Variants in SORCS3 observed in about 807,000 individuals in gnomAD.
SORCS3 encodes the protein sortilin related VPS10 domain containing receptor 3, also known as VPS10 domain-containing receptor SorCS3.
A neutral mutation model predicts 146.3 loss-of-function variants in SORCS3; 57 were observed. The observed-to-expected ratio is 0.39, with a 90% CI of 0.31 to 0.49. The LOEUF (loss-of-function observed/expected upper bound fraction) is 0.49. SORCS3 is among the 20% of genes least tolerant of loss of function. The pLI is 0.92. For synonymous variants in SORCS3, 653 were observed against 618.5 expected, an observed-to-expected ratio of 1.06 and a Z score of -0.83; for missense variants, 1,341 against 1,575.5, an observed-to-expected ratio of 0.85 and a Z score of 2.52.
At chr10:104,777,855 C>G (rs1196770521) in intron 1 of SORCS3, among the ~76,000 whole-genome samples, 1 of 152,038 alleles carries the variant, frequency 6.6e-6, no homozygotes, top group Non-Finnish European at 1.5e-5. Flanking sequence ...TACAAACTTG[C>G]CCACGCATTT....
At chr10:104,997,645 A>G (rs1216347366) in intron 4 of SORCS3, among the ~76,000 whole-genome samples, 2 of 152,138 alleles carry the variant, frequency 1.3e-5, no homozygotes, top group African/African-American at 4.8e-5. Flanking sequence ...CTTGAGGATT[A>G]TCTCTACAGC....
intron 2 of SORCS3, among the ~76,000 whole-genome samples, chr10:104,885,902 G>T (rs1341695157): frequency 2.0e-5 from 3 of 152,166 alleles, no homozygotes; most frequent in Non-Finnish European, 4.4e-5. Flanking sequence ...AAGAAAAGAA[G>T]AATATAGTTA....
At chr10:105,223,286 T>A in intron 20 of SORCS3, 37 bp downstream of exon 20, 1 of 1,556,782 alleles carries the variant, frequency 6.4e-7, no homozygotes, top group Non-Finnish European at 8.7e-7. Context: ...ATTAGATCTG[T>A]ACTGAATGCT....
chr10:104,837,483 A>C (rs1224077001), intron 1 of SORCS3, among the ~76,000 whole-genome samples: 1 of 152,124 alleles, frequency 6.6e-6, no homozygotes, highest in African/African-American at 2.4e-5. Context: ...AATTATTCCA[A>C]TTTATTTTCA....
At chr10:104,819,914 C>G (rs1217291321) in intron 1 of SORCS3, among the ~76,000 whole-genome samples, 1 of 152,178 alleles carries the variant, frequency 6.6e-6, no homozygotes, top group African/African-American at 2.4e-5. Flanking sequence ...GCTCATGCAG[C>G]TATGAAATCA....
chr10:105,040,948 A>G (rs887944593), intron 4 of SORCS3, among the ~76,000 whole-genome samples: 1 of 149,722 alleles, frequency 6.7e-6, no homozygotes, highest in Non-Finnish European at 1.5e-5. Flanking sequence ...ACCTTCATCT[A>G]TAAAATGAAT....
chr10:104,972,567 A>G (rs944619267), intron 3 of SORCS3, among the ~76,000 whole-genome samples: 30 of 152,116 alleles, frequency 2.0e-4, no homozygotes, highest in Non-Finnish European at 4.4e-5. Flanking sequence ...TCTCACAACT[A>G]AAGAACAATA....
At chr10:104,857,194 A>G (rs930432477) in intron 2 of SORCS3, among the ~76,000 whole-genome samples, 4 of 151,496 alleles carry the variant, frequency 2.6e-5, no homozygotes, top group African/African-American at 9.7e-5. Flanking sequence ...GTGGAGTGAA[A>G]TTGTGAATGC....
Position 105,247,270 on chromosome 10 carries a change from A to G in SORCS3, c.3044A>G (p.Asn1015Ser). ...TTCTCTCCTAATCTGGATTACCACAATCCTGACATTCCTGAGTGGAGAAAA... is the reference window on the plus strand; with the variant it reads ...TTCTCTCCTAATCTGGATTACCACAGTCCTGACATTCCTGAGTGGAGAAAA... ...LSFSPNLDYH[N>S]PDIPEWRKDI... is the part of the protein sequence containing the mutation. The change falls in exon 22 of 27, where the codon AAT becomes AGT. Residue 1015 changes from asparagine to serine, a missense_variant. Transcript: ENST00000369701. The G allele has an allele frequency of 6.2e-7, 1 of 1,613,022 alleles. No individual in the cohort carries two copies. The highest frequency in any genetic ancestry group is 8.5e-7 in the Non-Finnish European group (1 of 1,179,144).
At chr10:104,799,432 G>A (rs2017598077) in intron 1 of SORCS3, among the ~76,000 whole-genome samples, 1 of 152,078 alleles carries the variant, frequency 6.6e-6, no homozygotes, top group Non-Finnish European at 1.5e-5. Flanking sequence ...GTCTCAGCAA[G>A]CTATCACAAG....
rs148091267 is a variant in SORCS3, at chr10:104,930,539, C to T, written c.795+14607C>T. ...TATTCCCTGCCGAGAGAAGAAGTCACGGGAGTTGCTGAGTTTTCTGAAACA... is the reference window on the plus strand; with the variant it reads ...TATTCCCTGCCGAGAGAAGAAGTCATGGGAGTTGCTGAGTTTTCTGAAACA... On this transcript the variant is annotated intron_variant, in intron 3 of 26. Coordinates refer to ENST00000369701, the MANE Select transcript of SORCS3 (RefSeq NM_014978.3). 1.5e-4 allele frequency among the ~76,000 whole-genome samples: 23 copies of T among 152,266 alleles called. No individual in the cohort carries two copies. The East Asian group carries it at 3.9e-3, about 26-fold the overall frequency.
chr10:104,944,359 G>A (rs2019348794), intron 3 of SORCS3, among the ~76,000 whole-genome samples: 1 of 152,140 alleles, frequency 6.6e-6, no homozygotes, highest in Non-Finnish European at 1.5e-5. Context: ...AGAAAAGATT[G>A]ATATGTTGGA....
At chr10:104,808,950 G>A (rs910184156) in intron 1 of SORCS3, among the ~76,000 whole-genome samples, 5 of 152,114 alleles carry the variant, frequency 3.3e-5, no homozygotes, top group East Asian at 1.9e-4. Context: ...ATATTTCGAC[G>A]GCAAAATCAA....
intron 5 of SORCS3, among the ~76,000 whole-genome samples, chr10:105,085,080 C>A (rs920496228): frequency 6.6e-6 from 1 of 152,144 alleles, no homozygotes; most frequent in Non-Finnish European, 1.5e-5. Context: ...CCCCACCAGG[C>A]GATATTTAGC....
At chr10:104,880,586 G>T (rs993088673) in intron 2 of SORCS3, among the ~76,000 whole-genome samples, 1 of 151,570 alleles carries the variant, frequency 6.6e-6, no homozygotes, top group Non-Finnish European at 1.5e-5. Flanking sequence ...GGGGGCAGGG[G>T]CTTCCTTGGT....
At chr10:105,256,461 A>G (rs1325334848) in intron 24 of SORCS3, among the ~76,000 whole-genome samples, 1 of 152,210 alleles carries the variant, frequency 6.6e-6, no homozygotes, top group Non-Finnish European at 1.5e-5. Flanking sequence ...ACTTAACCCA[A>G]AATTTCAAAT....
intron 11 of SORCS3, among the ~76,000 whole-genome samples, chr10:105,162,292 A>G (rs2056271833): frequency 6.6e-6 from 1 of 152,156 alleles, no homozygotes; most frequent in Admixed American, 6.5e-5. Context: ...TTGGTGAGAA[A>G]AGATCCCAGT....
intron 4 of SORCS3, among the ~76,000 whole-genome samples, chr10:104,998,260 C>T (rs17197813): frequency 0.097 from 14,824 of 152,104 alleles, 1,023 homozygotes; most frequent in Middle Eastern, 0.15. Flanking sequence ...TTCTCTTTTT[C>T]CCAGATGTGT....
chr10:104,844,948 G>A (rs2496009), intron 2 of SORCS3, among the ~76,000 whole-genome samples: 127,019 of 152,208 alleles, frequency 0.83, 53,477 homozygotes, highest in East Asian at 0.97. Flanking sequence ...TTATCATTCA[G>A]TCCACTTCAC....
Sources: gnomAD v4.1 joint callset for allele counts (sites outside exome capture counted in the v4.1 genomes callset) on GRCh38, gnomAD v4.1.1 for gene constraint, MANE v1.5 for transcripts, NCBI Gene and HGNC (gene_info 2026-07-23, HGNC 2026-07-21) for gene names.